Variants in KEAP1 observed in about 807,000 individuals in gnomAD.
KEAP1 encodes kelch-like ECH-associated protein 1.
A neutral mutation model predicts 59.7 loss-of-function variants in KEAP1; 26 were observed. The ratio of observed to expected loss-of-function variants is 0.44; its 90% CI spans 0.32 to 0.60. The LOEUF (loss-of-function observed/expected upper bound fraction) is 0.60, where lower values mean the gene tolerates loss of function less well. Among genes scored for constraint, KEAP1 ranks in the 20% least tolerant of loss-of-function variants. The pLI, the probability that KEAP1 is intolerant of heterozygous loss-of-function variation, is 0.06. For synonymous variants in KEAP1, 350 were observed against 358.3 expected, an observed-to-expected ratio of 0.98 and a Z score of 0.26; for missense variants, 539 against 871.4, an observed-to-expected ratio of 0.62 and a Z score of 4.80.
intron 2 of KEAP1, among the ~76,000 whole-genome samples, chr19:10,493,936 C>T (rs561477138): frequency 4.6e-5 from 7 of 152,144 alleles, no homozygotes; most frequent in Admixed American, 3.9e-4. Flanking sequence ...CGTGAGCCAC[C>T]GGACCTGGCC....
Position 10,499,959 on chromosome 19 carries a change from C to T in KEAP1, c.75G>A (p.Glu25=), listed in dbSNP as rs1914984424. The T allele has an allele frequency of 1.9e-6, 3 of 1,601,104 alleles. No homozygotes were observed. The highest frequency in any genetic ancestry group is 2.6e-6 in the Non-Finnish European group (3 of 1,170,856). Residue 25 remains glutamate (E), a synonymous_variant, in exon 2 of 6, where the codon GAG becomes GAA. Transcript: ENST00000171111. The surrounding 1 kb of genome is among the most constrained non-coding windows in gnomAD (Gnocchi z 6.7). ...CGTACATCACCGCGTCCCCTGCCCCCTCAGGGCACTGTGACTGCAGGGGCA... is the reference window on the plus strand; with the variant it reads ...CGTACATCACCGCGTCCCCTGCCCCTTCAGGGCACTGTGACTGCAGGGGCA... ...RFLPLQSQCP[E]GAGDAVMYAS... is the part of the protein sequence containing the mutation.
intron 4 of KEAP1, 23 bp from the exon 5 acceptor site, chr19:10,489,391 G>A (rs1914591283): frequency 1.9e-6 from 3 of 1,599,114 alleles, no homozygotes; most frequent in African/African-American, 2.7e-5. Flanking sequence ...ATGCAGAGAA[G>A]GTGACTCTGG....
At position 10,499,500 on chromosome 19, in the gene KEAP1, C is replaced by T. The variant is rs2144625305; in HGVS notation, c.534G>A (p.Gln178=). 1 of 1,614,206 alleles carries T rather than the reference C, an allele frequency of 6.2e-7. No homozygotes were observed. Among genetic ancestry groups the T allele is most frequent in the Non-Finnish European group, 8.5e-7 (1 of 1,180,044 alleles). The change falls in exon 2 of 6, where the codon CAG becomes CAA. Residue 178 remains glutamine (Q), a synonymous_variant. Coordinates refer to ENST00000171111, the MANE Select transcript of KEAP1 (RefSeq NM_203500.2). This position sits in a 1 kb window ranked among gnomAD's most constrained non-coding sequence, Gnocchi z 6.7. Reference sequence around the variant, plus strand: ...TGCCGATGGCATTGCTGGGGTCCAGCTGCTGCACCAGGAAGTCACTGCAGG... The same window carrying T: ...TGCCGATGGCATTGCTGGGGTCCAGTTGCTGCACCAGGAAGTCACTGCAGG... ...VRACSDFLVQ[Q]LDPSNAIGIA...
chr19:10,501,878 CCAAGTGGCTCCCCA>C lies in KEAP1; in HGVS notation c.-48+1349_-48+1362del, dbSNP rs1391883941. On this transcript the variant is annotated intron_variant, in intron 1 of 5. Transcript: ENST00000171111. ...ACGTTTCAAAAGGAGTGGGGGATCT[CCAAGTGGCTCCCCA>C]CAAGTGGATCTGCAAGTTCTCACTC... is the stretch of plus-strand genomic sequence containing the variant. Among the ~76,000 whole-genome samples, 4 of 152,102 alleles carry C rather than the reference CCAAGTGGCTCCCCA, an allele frequency of 2.6e-5. No homozygotes were observed. The South Asian group carries it at 8.3e-4, about 32-fold the overall frequency.
In KEAP1 at chr19:10,500,492, T is replaced by C. The variant is rs917918571; in HGVS notation, c.-47-412A>G. On this transcript the variant is annotated intron_variant, in intron 1 of 5. Transcript: ENST00000171111. ...CTCACCATTTACTGGGCACCTACTG[T>C]ATGCCAGGCACTGATCTGGGTGCTG... 4.6e-5 allele frequency among the ~76,000 whole-genome samples: 7 copies of C among 152,254 alleles called. No homozygotes were observed. In the South Asian group the frequency reaches 1.4e-3, roughly 32 times the overall value.
intron 5 of KEAP1, among the ~76,000 whole-genome samples, chr19:10,488,153 G>T (rs989892673): frequency 2.6e-5 from 4 of 151,790 alleles, no homozygotes; most frequent in Non-Finnish European, 4.4e-5. Flanking sequence ...TAGGCGTGGT[G>T]GCACGTGCCT....
rs2144603763 is a variant in KEAP1, at chr19:10,492,131, G to A, written c.771C>T (p.Cys257=). 4.3e-6 allele frequency: 7 copies of A among 1,614,016 alleles called. No homozygotes were observed. Among genetic ancestry groups the A allele is most frequent in the Non-Finnish European group, 5.9e-6 (7 of 1,180,046 alleles). Residue 257 remains cysteine, a synonymous_variant, in exon 3 of 6, where the codon TGC becomes TGT. Transcript: ENST00000171111. ...CCTGGACGTAGAACCGTCGCTGTTC[G>A]CAGTCGTACTTGACCCAGTTGATGC... ...HACINWVKYD[C]EQRRFYVQAL...
Position 10,499,231 on chromosome 19 carries a change from C to T in KEAP1, c.639+164G>A, listed in dbSNP as rs1040395547. ...AACTCTTGGCCTGAAGCAATCCCCCCGCCTCAGCCCCTCAAACTGTGGAGA... is the reference window on the plus strand; with the variant it reads ...AACTCTTGGCCTGAAGCAATCCCCCTGCCTCAGCCCCTCAAACTGTGGAGA... On this transcript the variant is annotated intron_variant, in intron 2 of 5. Coordinates refer to ENST00000171111, the MANE Select transcript of KEAP1 (RefSeq NM_203500.2). This position sits in a 1 kb window ranked among gnomAD's most constrained non-coding sequence, Gnocchi z 6.7. Among the ~76,000 whole-genome samples, 40 of 152,018 alleles carry T rather than the reference C, an allele frequency of 2.6e-4. No homozygotes were observed. The highest frequency in any genetic ancestry group is 9.4e-4 in the African/African-American group (39 of 41,394).
chr19:10,489,232 G>C lies in KEAP1; in HGVS notation c.1668C>G (p.Ala556=), dbSNP rs2144586284. Residue 556 remains alanine, a synonymous_variant, in exon 5 of 6, where the codon GCC becomes GCG. Transcript: ENST00000171111. ...TCCCCTGGTGGACAGTGATCCCCAG[G>C]GCACTTCGCCGGTGCTTCATGGGGG... ...FVAPMKHRRS[A]LGITVHQGRI... 13 of 1,612,580 alleles carry C rather than the reference G, an allele frequency of 8.1e-6. No individual in the cohort carries two copies. Among genetic ancestry groups the C allele is most frequent in the Non-Finnish European group, 1.1e-5 (13 of 1,179,986 alleles).
rs2144629613 is a variant in KEAP1, at chr19:10,499,865, C to T, written c.169G>A (p.Glu57Lys). 1.9e-6 allele frequency: 3 copies of T among 1,613,754 alleles called. No individual in the cohort carries two copies. The change falls in exon 2 of 6, where the codon GAG becomes AAG. Residue 57 changes from glutamate (E) to lysine (K), a missense_variant. Around this residue, in one of 4 missense-constraint regions of KEAP1, gnomAD observed 166 missense variants for 295.8 expected, o/e 0.56. Coordinates refer to ENST00000171111, the MANE Select transcript of KEAP1 (RefSeq NM_203500.2). The surrounding 1 kb of genome is among the most constrained non-coding windows in gnomAD (Gnocchi z 6.7). ...CCAAAGGCCTGCTTGGTATGATCCT[C>T]CAGGGTGTAGCTGAAGGTGCGGTTG... ...HGNRTFSYTL[E>K]DHTKQAFGIM... is the part of the protein sequence containing the mutation.
chr19:10,494,950 G>A lies in KEAP1; in HGVS notation c.640-2688C>T, dbSNP rs370897831. On this transcript the variant is annotated intron_variant, in intron 2 of 5. Coordinates refer to ENST00000171111, the MANE Select transcript of KEAP1 (RefSeq NM_203500.2). The stretch of plus-strand genomic sequence containing the variant: ...ATTACAGGCGTGAGCCAACGCGCCC[G>A]GCCTCTTTTGTTTCTTTTTTTTTTT... 4.6e-3 allele frequency among the ~76,000 whole-genome samples: 694 copies of A among 149,834 alleles called. 3 individuals carry two copies. The highest frequency in any genetic ancestry group is 0.01 in the South Asian group (47 of 4,696).
In KEAP1 at chr19:10,499,297, GT is replaced by G; in HGVS notation, c.639+97del. On this transcript the variant is annotated intron_variant, in intron 2 of 5. Transcript: ENST00000171111. The surrounding 1 kb of genome is among the most constrained non-coding windows in gnomAD (Gnocchi z 6.7). ...CAGCCCAGAACCTCCTTTTTCTCCAGTTTCCTGCCTTGACATCTCAAGGGGA... is the reference window on the plus strand; with the variant it reads ...CAGCCCAGAACCTCCTTTTTCTCCAGTTCCTGCCTTGACATCTCAAGGGGA... 1 of 1,168,696 alleles carries G rather than the reference GT, an allele frequency of 8.6e-7. No homozygotes were observed. The allele number at this position is 1,168,696 out of a possible 1,614,324, so 72.4% of individuals were successfully genotyped here.
chr19:10,489,972 TC>T, intron 3 of KEAP1, 119 bp from the exon 4 acceptor site: 1 of 976,306 alleles, frequency 1.0e-6, no homozygotes, highest in Non-Finnish European at 1.5e-6. Context: ...GACAGGTTCA[TC>T]CGGCGCGATG....
At chr19:10,494,726 C>A (rs1051467671) in intron 2 of KEAP1, among the ~76,000 whole-genome samples, 11 of 149,742 alleles carry the variant, frequency 7.3e-5, no homozygotes, top group Admixed American at 4.0e-4. Flanking sequence ...CACGATCTTG[C>A]CTCACTGCAA....
In KEAP1 at chr19:10,486,520, T is replaced by C; in HGVS notation, c.*132A>G. The C allele has an allele frequency of 2.2e-6, 2 of 891,620 alleles. No individual in the cohort carries two copies. Among genetic ancestry groups the C allele is most frequent in the Non-Finnish European group, 3.5e-6 (2 of 567,000 alleles). 55.2% of individuals were successfully genotyped at this position (891,620 alleles called of 1,614,324 possible). The stretch of plus-strand genomic sequence containing the variant: ...TTCTTTTGAGATGTCATTTTAACAC[T>C]GAGGCATCCTGGCCTCCCTTCCCGG... On this transcript the variant is annotated 3_prime_UTR_variant, in exon 6 of 6. Coordinates refer to ENST00000171111, the MANE Select transcript of KEAP1 (RefSeq NM_203500.2).
rs139770656 is a variant in KEAP1 at position 10,491,299 on chromosome 19, G to A, written c.1325+278C>T. Among the ~76,000 whole-genome samples, 1 of 152,244 alleles carries A rather than the reference G, an allele frequency of 6.6e-6. No individual in the cohort carries two copies. The highest frequency in any genetic ancestry group is 1.9e-4 in the East Asian group (1 of 5,174). Reference sequence around the variant, plus strand: ...TCCCTGATTATAGGTATGGGCCACAGTGCCTAGCCCAACAATTTCAAACTG... The same window carrying A: ...TCCCTGATTATAGGTATGGGCCACAATGCCTAGCCCAACAATTTCAAACTG... On this transcript the variant is annotated intron_variant, in intron 3 of 5. Coordinates refer to ENST00000171111, the MANE Select transcript of KEAP1 (RefSeq NM_203500.2). This position sits in a 1 kb window ranked among gnomAD's most constrained non-coding sequence, Gnocchi z 5.2.
At position 10,489,152 on chromosome 19, in the gene KEAP1, A is replaced by G. The variant is rs188184784; in HGVS notation, c.1708+40T>C. ...CAAAAGCAAAAGCAGTCCACAAAAG[A>G]TGGGCTAGTCAGGACTCTTCCCCGC... On this transcript the variant is annotated intron_variant, in intron 5 of 5. Transcript: ENST00000171111. 88 of 1,390,174 alleles carry G rather than the reference A, an allele frequency of 6.3e-5. No individual in the cohort carries two copies. The East Asian group carries it at 1.3e-3, about 21-fold the overall frequency. 86.1% of individuals were successfully genotyped at this position (1,390,174 alleles called of 1,614,324 possible). A position where few individuals can be genotyped will look rare whatever the true frequency, so the allele number is the denominator to read the frequency against.
intron 2 of KEAP1, among the ~76,000 whole-genome samples, chr19:10,496,762 AC>A (rs1914866267): frequency 6.6e-6 from 1 of 151,254 alleles, no homozygotes; most frequent in Non-Finnish European, 1.5e-5. Flanking sequence ...AAATCTTGCC[AC>A]TGCACTTCAG....
rs1914465485 is a variant in KEAP1, at chr19:10,486,497, C to T, written c.*155G>A. On this transcript the variant is annotated 3_prime_UTR_variant, in exon 6 of 6. Coordinates refer to ENST00000171111, the MANE Select transcript of KEAP1 (RefSeq NM_203500.2). The stretch of plus-strand genomic sequence containing the variant: ...GGCACATGATTCCCGCTTTGGACTT[C>T]TTTTGAGATGTCATTTTAACACTGA... The T allele has an allele frequency of 1.3e-6, 1 of 777,586 alleles. No homozygotes were observed. Among genetic ancestry groups the T allele is most frequent in the Non-Finnish European group, 2.1e-6 (1 of 471,004 alleles). 48.2% of individuals were successfully genotyped at this position (777,586 alleles called of 1,614,324 possible).
Sources: allele counts gnomAD v4.1 joint callset (sites outside exome capture counted in the v4.1 genomes callset), GRCh38; gene constraint gnomAD v4.1.1; regional missense constraint gnomAD v4.1.1; non-coding constraint Gnocchi (gnomAD v3.1); transcripts MANE v1.5; gene names NCBI Gene and HGNC (gene_info 2026-07-23, HGNC 2026-07-21).